The following PCDH9 variants were observed in gnomAD, a reference collection of about 807,000 sequenced individuals.
PCDH9 encodes the protein protocadherin 9.
A neutral mutation model predicts 70.6 loss-of-function variants in PCDH9; 24 were observed. That is an observed-to-expected ratio of 0.34 (90% CI 0.25 to 0.48). PCDH9 has a LOEUF of 0.48. Among genes scored for constraint, PCDH9 ranks in the 20% least tolerant of loss-of-function variants. The pLI is 0.99. For synonymous variants in PCDH9, 562 were observed against 558.5 expected (o/e 1.01, Z -0.09); for missense variants, 1,281 against 1,503.6 (o/e 0.85, Z 2.45).
chr13:67,122,997 C>A (rs1308243944), intron 2 of PCDH9, among the ~76,000 whole-genome samples: 1 of 151,950 alleles, frequency 6.6e-6, no homozygotes, highest in African/African-American at 2.4e-5. Flanking sequence ...TAGAGCTAAT[C>A]AAAATTAGTG....
chr13:66,385,909 G>A (rs574448414), intron 4 of PCDH9, among the ~76,000 whole-genome samples: 4 of 151,902 alleles, frequency 2.6e-5, no homozygotes, highest in African/African-American at 9.7e-5. Flanking sequence ...AAAAGCCTTC[G>A]GTGGACAGGC....
At chr13:66,584,008 A>C (rs1036985866) in intron 4 of PCDH9, among the ~76,000 whole-genome samples, 1 of 152,170 alleles carries the variant, frequency 6.6e-6, no homozygotes, top group African/African-American at 2.4e-5. Flanking sequence ...TAAAAAGCCC[A>C]AAACCTACGC....
At chr13:66,895,789 T>C (rs1385171212) in intron 3 of PCDH9, among the ~76,000 whole-genome samples, 1 of 152,256 alleles carries the variant, frequency 6.6e-6, no homozygotes, top group Non-Finnish European at 1.5e-5. Flanking sequence ...TTTTGTACTC[T>C]ACATTTTCGT....
intron 3 of PCDH9, among the ~76,000 whole-genome samples, chr13:66,797,676 A>G (rs2080265177): frequency 6.6e-6 from 1 of 152,188 alleles, no homozygotes; most frequent in Non-Finnish European, 1.5e-5. Context: ...CATGTCTTTC[A>G]TTTGTACATA....
chr13:66,412,581 T>C (rs564238330), intron 4 of PCDH9, among the ~76,000 whole-genome samples: 1 of 152,354 alleles, frequency 6.6e-6, no homozygotes, highest in South Asian at 2.1e-4. Context: ...TTATTTAATT[T>C]CAAACACTTT....
intron 4 of PCDH9, among the ~76,000 whole-genome samples, chr13:66,629,325 T>C (rs549273692): frequency 4.5e-4 from 68 of 152,294 alleles, no homozygotes; most frequent in African/African-American, 1.6e-3. Context: ...CACATACACT[T>C]AGAGAAAACA....
chr13:67,227,439 G>T lies in PCDH9; in HGVS notation c.1002C>A (p.Asp334Glu). The part of the protein sequence containing the change: ...AIHKVTVLAS[D>E]GSSTPARATV... ...TTGCTCGAGCAGGAGTGGAGCTGCCGTCACTAGCCAGCACTGTCACTTTGT... is the reference window on the plus strand; with the variant it reads ...TTGCTCGAGCAGGAGTGGAGCTGCCTTCACTAGCCAGCACTGTCACTTTGT... Residue 334 changes from aspartate (D) to glutamate (E), a missense_variant, in exon 2 of 5, where the codon GAC becomes GAA. By Grantham distance (45) the Asp-to-Glu change is conservative. Transcript: ENST00000377865. The surrounding 1 kb of genome is among the most constrained non-coding windows in gnomAD (Gnocchi z 4.6). The T allele has an allele frequency of 6.2e-7, 1 of 1,613,916 alleles. No individual in the cohort carries two copies. The highest frequency in any genetic ancestry group is 8.5e-7 in the Non-Finnish European group (1 of 1,179,820).
chr13:66,529,879 T>TA (rs35230234), intron 4 of PCDH9, among the ~76,000 whole-genome samples: 34,067 of 143,798 alleles, frequency 0.24, 4,298 homozygotes, highest in South Asian at 0.34. Flanking sequence ...ACCATGCTGT[T>TA]AAAAAAAAAA....
intron 3 of PCDH9, among the ~76,000 whole-genome samples, chr13:66,734,402 C>A (rs2079117276): frequency 6.6e-6 from 1 of 152,002 alleles, no homozygotes; most frequent in Non-Finnish European, 1.5e-5. Context: ...GTATCTTTTC[C>A]CTGTAATAAA....
At chr13:66,619,107 T>C (rs888332899) in intron 4 of PCDH9, among the ~76,000 whole-genome samples, 1 of 152,188 alleles carries the variant, frequency 6.6e-6, no homozygotes, top group Non-Finnish European at 1.5e-5. Flanking sequence ...AGCTATGTCC[T>C]TGCTTGTTTT....
intron 3 of PCDH9, among the ~76,000 whole-genome samples, chr13:66,696,982 C>T (rs1241436194): frequency 2.6e-5 from 4 of 151,690 alleles, no homozygotes; most frequent in African/African-American, 9.7e-5. Context: ...CCTGCAGTCT[C>T]GGCTACTCAG....
At chr13:67,140,456 A>G (rs1468844640) in intron 2 of PCDH9, among the ~76,000 whole-genome samples, 1 of 152,210 alleles carries the variant, frequency 6.6e-6, no homozygotes, top group Non-Finnish European at 1.5e-5. Flanking sequence ...GATAATGACA[A>G]GTACATACAA....
At chr13:66,551,959 A>C (rs1961507854) in intron 4 of PCDH9, among the ~76,000 whole-genome samples, 1 of 152,160 alleles carries the variant, frequency 6.6e-6, no homozygotes, top group Non-Finnish European at 1.5e-5. Context: ...TCATTACTAA[A>C]TATTAAAAGC....
chr13:66,488,190 G>A (rs935717957), intron 4 of PCDH9, among the ~76,000 whole-genome samples: 6 of 152,104 alleles, frequency 3.9e-5, no homozygotes, highest in Admixed American at 6.6e-5. Flanking sequence ...AGAAAGAGCC[G>A]ACGCTGAAAT....
chr13:66,477,315 CT>C (rs1405478904), intron 4 of PCDH9, among the ~76,000 whole-genome samples: 1 of 152,098 alleles, frequency 6.6e-6, no homozygotes, highest in Non-Finnish European at 1.5e-5. Context: ...ATAATAATAT[CT>C]AATTAATACG....
chr13:67,170,364 G>T (rs889767628), intron 2 of PCDH9, among the ~76,000 whole-genome samples: 3 of 152,082 alleles, frequency 2.0e-5, no homozygotes, highest in African/African-American at 7.2e-5. Flanking sequence ...AATACATTTC[G>T]CATAAAGTTT....
chr13:66,751,474 G>A (rs1453277132), intron 3 of PCDH9, among the ~76,000 whole-genome samples: 1 of 152,104 alleles, frequency 6.6e-6, no homozygotes, highest in Non-Finnish European at 1.5e-5. Flanking sequence ...AAATCTCTTT[G>A]TCTTACTGTC....
intron 2 of PCDH9, among the ~76,000 whole-genome samples, chr13:67,135,523 G>T (rs537906114): frequency 6.6e-6 from 1 of 151,668 alleles, no homozygotes; most frequent in African/African-American, 2.4e-5. Context: ...CTAAAATTAC[G>T]AAGTAGAACA....
intron 4 of PCDH9, among the ~76,000 whole-genome samples, chr13:66,588,219 CT>C (rs143071806): frequency 0.021 from 3,241 of 152,044 alleles, 120 homozygotes; most frequent in African/African-American, 0.074. Context: ...GAGATACCCC[CT>C]GATGGTGCTT....
Sources: allele counts gnomAD v4.1 joint callset (sites outside exome capture counted in the v4.1 genomes callset), GRCh38; gene constraint gnomAD v4.1.1; non-coding constraint Gnocchi (gnomAD v3.1); transcripts MANE v1.5; gene names NCBI Gene and HGNC (gene_info 2026-07-23, HGNC 2026-07-21).